Variants in HGF observed in about 807,000 individuals in gnomAD.
HGF encodes the protein fibroblast-derived tumor cytotoxic factor.
In HGF, 39 loss-of-function variants were observed where a neutral mutation model predicts 111.6. The ratio of observed to expected loss-of-function variants is 0.35; its 90% confidence interval spans 0.27 to 0.46. The LOEUF is 0.46. HGF is among the 20% of genes least tolerant of loss of function. The probability of loss-of-function intolerance (pLI) is 1.00; values close to 1 mark genes in which losing one functional copy is unlikely to be tolerated. For missense variants in HGF, 735 were observed against 910.5 expected (o/e 0.81, Z 2.48); for synonymous variants, 285 against 294.8 (o/e 0.97, Z 0.34).
At chr7:81,728,472 CT>C (rs1790077394) in intron 8 of HGF, among the ~76,000 whole-genome samples, 2 of 152,102 alleles carry the variant, frequency 1.3e-5, no homozygotes, top group Admixed American at 6.5e-5. Flanking sequence ...TCCTTTGTCC[CT>C]TATAACTAAT....
At chr7:81,744,335 T>C (rs2116035382) in intron 6 of HGF, among the ~76,000 whole-genome samples, 1 of 150,852 alleles carries the variant, frequency 6.6e-6, no homozygotes, top group African/African-American at 2.4e-5. Context: ...AGATGGGTAA[T>C]AATTTAAGCT....
At chr7:81,716,792 C>G (rs1789723894) in intron 11 of HGF, among the ~76,000 whole-genome samples, 1 of 152,018 alleles carries the variant, frequency 6.6e-6, no homozygotes, top group African/African-American at 2.4e-5. Context: ...AATTAAAGAA[C>G]TGAGAAGGAA....
In HGF at chr7:81,729,646, A is replaced by G. The variant is rs569559437; in HGVS notation, c.999T>C (p.Tyr333=). The stretch of plus-strand genomic sequence containing the variant: ...CAGGAGTCATGTCATGCTCGTGAGG[A>G]TACTGAGAATCCCAACGCTGACATG... The part of the protein sequence containing the change: ...GIPCQRWDSQ[Y]PHEHDMTPEN... The change falls in exon 8 of 18, where the codon TAT becomes TAC. Residue 333 remains tyrosine (Y), a synonymous_variant. Transcript: ENST00000222390. 3 of 1,613,936 alleles carry G rather than the reference A, an allele frequency of 1.9e-6. No homozygotes were observed. In the South Asian group the frequency reaches 3.3e-5, roughly 18 times the overall value.
At chr7:81,747,180 T>C (rs1788294898) in intron 5 of HGF, among the ~76,000 whole-genome samples, 1 of 151,970 alleles carries the variant, frequency 6.6e-6, no homozygotes, top group South Asian at 2.1e-4. Flanking sequence ...CTACTAAAAA[T>C]ATAAAAAAAT....
At chr7:81,751,824 T>C in intron 5 of HGF, 4 of 1,210,764 alleles carry the variant, frequency 3.3e-6, no homozygotes, top group Non-Finnish European at 4.1e-6. Context: ...GATTTTGAGG[T>C]ATGTGAGCTC....
At chr7:81,724,641 C>T (rs1277219768) in intron 9 of HGF, among the ~76,000 whole-genome samples, 2 of 151,994 alleles carry the variant, frequency 1.3e-5, no homozygotes, top group African/African-American at 4.8e-5. Context: ...TTGTGTGTCA[C>T]CGGGGTTGGG....
Position 81,702,709 on chromosome 7 carries a change from C to A in HGF, c.2059G>T (p.Val687Phe), listed in dbSNP as rs757849670. Residue 687 changes from valine to phenylalanine, a missense_variant, in exon 18 of 18, where the codon GTT becomes TTT. Physicochemically the swap from Val to Phe is conservative, Grantham distance 50. Transcript: ENST00000222390. ...LVCEQHKMRM[V>F]LGVIVPGRGC... ...CGACCAGGAACAATGACACCAAGAA[C>A]CATTCTCATTTTATGTTGCTCACAA... 2.5e-6 allele frequency: 4 copies of A among 1,611,512 alleles called. No homozygotes were observed. The African/African-American group carries it at 4.0e-5, about 16-fold the overall frequency.
intron 7 of HGF, among the ~76,000 whole-genome samples, chr7:81,732,098 T>A (rs1381501720): frequency 1.3e-5 from 2 of 152,180 alleles, no homozygotes; most frequent in African/African-American, 4.8e-5. Context: ...GCTGTGCACA[T>A]AACTCACAGA....
rs1645174240 is a variant in HGF at position 81,705,928 on chromosome 7, T to A, written c.1758-175A>T. ...ATGTAATGATGACATTTGGAATAGG[T>A]AGTAAAGAAATGAGTCATGTATTTG... On this transcript the variant is annotated intron_variant, in intron 15 of 17. Transcript: ENST00000222390. Among the ~76,000 whole-genome samples the A allele has an allele frequency of 4.7e-5, 7 of 150,270 alleles. No homozygotes were observed. The South Asian group carries it at 1.0e-3, about 23-fold the overall frequency.
chr7:81,701,287 A>G lies in HGF; in HGVS notation c.*1294T>C, dbSNP rs1583908214. The stretch of plus-strand genomic sequence containing the variant: ...CAGATTCCACTCTACTTCAAAAAAA[A>G]AATAAATGAATACAGAGTTGAGACA... On this transcript the variant is annotated 3_prime_UTR_variant, in exon 18 of 18. Coordinates refer to ENST00000222390, the MANE Select transcript of HGF (RefSeq NM_000601.6). The G allele has an allele frequency of 6.6e-6, 1 of 151,736 alleles. No individual in the cohort carries two copies. The highest frequency in any genetic ancestry group is 1.9e-4 in the East Asian group (1 of 5,158). 9.4% of individuals were successfully genotyped at this position (151,736 alleles called of 1,614,324 possible). A position where few individuals can be genotyped will look rare whatever the true frequency, so the allele number is the denominator to read the frequency against.
intron 13 of HGF, among the ~76,000 whole-genome samples, chr7:81,708,509 T>TCTC (rs1166967762): frequency 2.2e-5 from 3 of 138,644 alleles, no homozygotes; most frequent in South Asian, 4.9e-4. Flanking sequence ...TTGAAAGATT[T>TCTC]CTCCTTCCTT....
chr7:81,705,702 T>C lies in HGF; in HGVS notation c.1809A>G (p.Gly603=). 4 of 1,612,686 alleles carry C rather than the reference T, an allele frequency of 2.5e-6. No homozygotes were observed. The highest frequency in any genetic ancestry group is 3.4e-6 in the Non-Finnish European group (4 of 1,179,068). ...FVSTIDLPNY[G]CTIPEKTSCS... ...AACTGGTCTTTTCAGGAATTGTGCA[T>C]CCATAATTAGGTAAATCAATCGTAC... Residue 603 remains glycine, a synonymous_variant, in exon 16 of 18, where the codon GGA becomes GGG. Coordinates refer to ENST00000222390, the MANE Select transcript of HGF (RefSeq NM_000601.6).
At chr7:81,741,295 G>A (rs2116001217) in intron 7 of HGF, among the ~76,000 whole-genome samples, 1 of 151,884 alleles carries the variant, frequency 6.6e-6, no homozygotes, top group South Asian at 2.1e-4. Context: ...CATTTTTTTA[G>A]AATTAACACC....
At chr7:81,747,357 G>A (rs1788311054) in intron 5 of HGF, among the ~76,000 whole-genome samples, 1 of 151,794 alleles carries the variant, frequency 6.6e-6, no homozygotes, top group Admixed American at 6.6e-5. Context: ...AAAAAAAGAA[G>A]TTCTAAGTAT....
At chr7:81,766,321 A>G (rs1297541970) in intron 1 of HGF, among the ~76,000 whole-genome samples, 1 of 152,230 alleles carries the variant, frequency 6.6e-6, no homozygotes, top group African/African-American at 2.4e-5. Flanking sequence ...TGAGAAACCT[A>G]TCCACATGAT....
At chr7:81,748,233 AC>A (rs1234455285) in intron 5 of HGF, among the ~76,000 whole-genome samples, 1 of 152,096 alleles carries the variant, frequency 6.6e-6, no homozygotes, top group East Asian at 1.9e-4. Flanking sequence ...TGGTATCCCT[AC>A]CCTTTTCAAC....
rs1027510708 is a variant in HGF, at chr7:81,702,213, T to C, written c.*368A>G. On this transcript the variant is annotated 3_prime_UTR_variant, in exon 18 of 18. Transcript: ENST00000222390. Reference sequence around the variant, plus strand: ...TGGTGAGGTTAAAATAACATTTAATTTGTGGTTTACTCATTATTAAGAAAC... The same window carrying C: ...TGGTGAGGTTAAAATAACATTTAATCTGTGGTTTACTCATTATTAAGAAAC... 1 of 249,096 alleles carries C rather than the reference T, an allele frequency of 4.0e-6. No homozygotes were observed. The highest frequency in any genetic ancestry group is 7.8e-6 in the Non-Finnish European group (1 of 127,776). The allele number at this position is 249,096 out of a possible 1,614,324, so 15.4% of individuals were successfully genotyped here. A position where few individuals can be genotyped will look rare whatever the true frequency, so the allele number is the denominator to read the frequency against.
Position 81,729,631 on chromosome 7 carries a change from G to A in HGF, c.1014C>T (p.Asp338=). The change falls in exon 8 of 18, where the codon GAC becomes GAT. Residue 338 remains aspartate (D), a synonymous_variant. Transcript: ENST00000222390. ...TGCACTTGAAATTTTCAGGAGTCAT[G>A]TCATGCTCGTGAGGATACTGAGAAT... ...RWDSQYPHEH[D]MTPENFKCKD... 6.2e-7 allele frequency: 1 copy of A among 1,613,834 alleles called. No homozygotes were observed. Among genetic ancestry groups the A allele is most frequent in the African/African-American group, 1.3e-5 (1 of 75,032 alleles).
intron 17 of HGF, among the ~76,000 whole-genome samples, chr7:81,703,436 A>T (rs2115747524): frequency 6.6e-6 from 1 of 151,058 alleles, no homozygotes; most frequent in Middle Eastern, 3.4e-3. Flanking sequence ...GTGTCCTGTG[A>T]TTTCATGGCA....
Sources: allele counts gnomAD v4.1 joint callset (sites outside exome capture counted in the v4.1 genomes callset), GRCh38; gene constraint gnomAD v4.1.1; transcripts MANE v1.5; gene names NCBI Gene and HGNC (gene_info 2026-07-23, HGNC 2026-07-21).